Variants in GALNT2 observed in about 807,000 individuals in gnomAD.
The protein encoded by GALNT2 is polypeptide N-acetylgalactosaminyltransferase 2.
A neutral mutation model predicts 81.4 loss-of-function variants in GALNT2; 31 were observed. The ratio of observed to expected loss-of-function variants is 0.38; its 90% CI spans 0.29 to 0.51. GALNT2 has a LOEUF of 0.51. Among genes scored for constraint, GALNT2 ranks in the 20% least tolerant of loss-of-function variants. GALNT2 has a pLI of 0.87. For missense variants in GALNT2, 629 were observed against 765.7 expected (o/e 0.82, Z 2.11); for synonymous variants, 303 against 287.4 (o/e 1.05, Z -0.55).
rs969834649 is a variant in GALNT2, at chr1:230,275,536, GATATAC to G, written c.1560+978_1560+983del. ...CATACATATATATACATGCCACATA[GATATAC>G]ATATATAAACGCCACATATATATAC... On this transcript the variant is annotated intron_variant, in intron 15 of 15. Transcript: ENST00000366672. This position sits in a 1 kb window ranked among gnomAD's most constrained non-coding sequence, Gnocchi z 5.5. 7.1e-6 allele frequency among the ~76,000 whole-genome samples: 1 copy of G among 140,912 alleles called. No homozygotes were observed. Among genetic ancestry groups the G allele is most frequent in the Non-Finnish European group, 1.5e-5 (1 of 65,080 alleles). 92.4% of individuals were successfully genotyped at this position (140,912 alleles called of 152,430 possible). A position where few individuals can be genotyped will look rare whatever the true frequency, so the allele number is the denominator to read the frequency against.
intron 1 of GALNT2, 146 bp from the exon 2 acceptor site, chr1:230,178,072 G>A (rs995203880): frequency 5.6e-6 from 3 of 540,474 alleles, no homozygotes; most frequent in Admixed American, 3.5e-5. Flanking sequence ...GGTGTGTGGG[G>A]TCTTTAAGAT....
intron 1 of GALNT2, among the ~76,000 whole-genome samples, chr1:230,126,140 GT>G (rs1661169511): frequency 6.6e-6 from 1 of 152,242 alleles, no homozygotes; most frequent in Non-Finnish European, 1.5e-5. Flanking sequence ...CCCTAGATGA[GT>G]GTGTGGGGGC....
rs371181145 is a variant in GALNT2 at position 230,142,701 on chromosome 1, G to A, written c.127-35517G>A. On this transcript the variant is annotated intron_variant, in intron 1 of 15. Transcript: ENST00000366672. ...AAAGTGTAACTTTCCTAAGCTGGTC[G>A]TTGCCTGCTCTGTTCACCTAAGTTC... Among the ~76,000 whole-genome samples, 5 of 114,546 alleles carry A rather than the reference G, an allele frequency of 4.4e-5. No homozygotes were observed. In the East Asian group the frequency reaches 6.2e-4, roughly 14 times the overall value. 75.1% of individuals were successfully genotyped at this position (114,546 alleles called of 152,430 possible).
At chr1:230,149,406 C>T (rs1572021265) in intron 1 of GALNT2, among the ~76,000 whole-genome samples, 2 of 152,290 alleles carry the variant, frequency 1.3e-5, no homozygotes, top group East Asian at 3.9e-4. Context: ...GTTTCTCTTA[C>T]AGGCTGCCAA....
chr1:230,256,767 A>G (rs961037463), intron 11 of GALNT2, among the ~76,000 whole-genome samples: 5 of 152,180 alleles, frequency 3.3e-5, no homozygotes, highest in African/African-American at 1.2e-4. Flanking sequence ...TCTCAGGGAG[A>G]TTGCCTTCTC....
chr1:230,227,508 C>T (rs1042980321), intron 3 of GALNT2, among the ~76,000 whole-genome samples: 21 of 147,682 alleles, frequency 1.4e-4, no homozygotes, highest in African/African-American at 5.3e-4. Context: ...CTATATAATA[C>T]AGCTATATAT....
At chr1:230,195,999 G>A (rs905676124) in intron 2 of GALNT2, among the ~76,000 whole-genome samples, 11 of 152,150 alleles carry the variant, frequency 7.2e-5, no homozygotes, top group East Asian at 3.8e-4. Context: ...CCTCACTTTC[G>A]TCTCCTGTCT....
chr1:230,096,880 A>G (rs1261116588), intron 1 of GALNT2, among the ~76,000 whole-genome samples: 1 of 152,202 alleles, frequency 6.6e-6, no homozygotes, highest in African/African-American at 2.4e-5. Context: ...TCAGCAACAG[A>G]TGGTAAATAG....
At chr1:230,177,081 T>C (rs1393249261) in intron 1 of GALNT2, among the ~76,000 whole-genome samples, 1 of 152,270 alleles carries the variant, frequency 6.6e-6, no homozygotes, top group Non-Finnish European at 1.5e-5. Context: ...AGTTTCTGTC[T>C]AATTACCGCA....
intron 2 of GALNT2, among the ~76,000 whole-genome samples, chr1:230,192,530 T>C (rs1436972575): frequency 2.0e-5 from 3 of 152,226 alleles, no homozygotes; most frequent in African/African-American, 7.2e-5. Flanking sequence ...CCATGTACAA[T>C]AGGCTAAATT....
chr1:230,253,671 A>T (rs1665618938), intron 10 of GALNT2, among the ~76,000 whole-genome samples: 1 of 152,182 alleles, frequency 6.6e-6, no homozygotes, highest in African/African-American at 2.4e-5. Context: ...AACATGTAGC[A>T]TGTTTTTGTG....
chr1:230,179,916 T>C (rs1663104886), intron 2 of GALNT2, among the ~76,000 whole-genome samples: 1 of 152,206 alleles, frequency 6.6e-6, no homozygotes, highest in Admixed American at 6.5e-5. Flanking sequence ...TTTTATACTT[T>C]GGTGTATTTA....
In GALNT2 at chr1:230,243,980, A is replaced by G. The variant is rs915788438; in HGVS notation, c.729+553A>G. Among the ~76,000 whole-genome samples, 5 of 151,882 alleles carry G rather than the reference A, an allele frequency of 3.3e-5. No homozygotes were observed. Among genetic ancestry groups the G allele is most frequent in the African/African-American group, 1.2e-4 (5 of 41,312 alleles). Reference sequence around the variant, plus strand: ...GGGTGATCCGCGGCTCCACTTCTGCACCTTCTGCTTTCTAGAAACATCATT... The same window carrying G: ...GGGTGATCCGCGGCTCCACTTCTGCGCCTTCTGCTTTCTAGAAACATCATT... On this transcript the variant is annotated intron_variant, in intron 7 of 15. Transcript: ENST00000366672. This position sits in a 1 kb window ranked among gnomAD's most constrained non-coding sequence, Gnocchi z 4.2.
At chr1:230,238,808 C>T (rs1272589120) in intron 6 of GALNT2, among the ~76,000 whole-genome samples, 2 of 152,086 alleles carry the variant, frequency 1.3e-5, no homozygotes, top group Admixed American at 6.6e-5. Context: ...CTGTAATTTT[C>T]TTAAAATGTA....
chr1:230,067,221 C>T (rs1659217089), upstream of GALNT2: 2 of 1,117,862 alleles, frequency 1.8e-6, no homozygotes, highest in Non-Finnish European at 1.1e-6. Context: ...ACCGCGCCCG[C>T]GGCCGGCCCA....
chr1:230,246,011 G>T (rs369618936), intron 7 of GALNT2, 52 bp from the exon 8 acceptor site: 37 of 1,481,304 alleles, frequency 2.5e-5, no homozygotes, highest in African/African-American at 4.2e-5. Flanking sequence ...TGGTTGGGCA[G>T]GTTTTTTGTT....
intron 14 of GALNT2, among the ~76,000 whole-genome samples, chr1:230,269,059 TTCCAGCAGTAAGTGCTGAC>T (rs2102772822): frequency 6.6e-6 from 1 of 152,304 alleles, no homozygotes; most frequent in East Asian, 1.9e-4. Context: ...TTCCCTTCCT[TTCCAGCAGTAAGTGCTGAC>T]TCCCTGCTCA....
intron 3 of GALNT2, among the ~76,000 whole-genome samples, chr1:230,229,528 G>C (rs1421622191): frequency 6.6e-6 from 1 of 152,196 alleles, no homozygotes; most frequent in Non-Finnish European, 1.5e-5. Context: ...GGCTATGTCA[G>C]GTCAAGTTGA....
intron 4 of GALNT2, 94 bp downstream of exon 4, chr1:230,236,206 A>T: frequency 8.6e-6 from 12 of 1,389,152 alleles, no homozygotes; most frequent in Non-Finnish European, 9.1e-6. Context: ...GGGGCTGCAG[A>T]CAGGGTCTCC....
Sources: allele counts gnomAD v4.1 joint callset (sites outside exome capture counted in the v4.1 genomes callset), GRCh38; gene constraint gnomAD v4.1.1; non-coding constraint Gnocchi (gnomAD v3.1); transcripts MANE v1.5; gene names NCBI Gene and HGNC (gene_info 2026-07-23, HGNC 2026-07-21).